The following PLXNB2 variants were observed in gnomAD, a reference collection of about 807,000 sequenced individuals.
PLXNB2 encodes plexin B2, also known as plexin-B2.
In PLXNB2, 85 loss-of-function variants were observed where a neutral mutation model predicts 202.6. That is an observed-to-expected ratio of 0.42 (90% confidence interval 0.35 to 0.50). The LOEUF (loss-of-function observed/expected upper bound fraction) is 0.50, where lower values mean the gene tolerates loss of function less well. PLXNB2 is among the 20% of genes least tolerant of loss of function. PLXNB2 has a pLI of 0.02. For missense variants in PLXNB2, 2,063 were observed against 2,586.2 expected (o/e 0.80, Z 4.39); for synonymous variants, 1,239 against 1,137.6 (o/e 1.09, Z -1.79).
Position 50,289,874 on chromosome 22 carries a change from C to T in PLXNB2, c.711G>A (p.Lys237=). 3 of 1,613,262 alleles carry T rather than the reference C, an allele frequency of 1.9e-6. No individual in the cohort carries two copies. The highest frequency in any genetic ancestry group is 2.5e-6 in the Non-Finnish European group (3 of 1,180,028). ...GCAGCGTGCGGTTCCGGGCCGGGTG[C>T]TTGTCCTGCTGGTTGAAGACAAAGA... ...YVFFVFNQQD[K]HPARNRTLLA... Residue 237 remains lysine (K), a synonymous_variant, in exon 3 of 37, where the codon AAG becomes AAA. Transcript: ENST00000359337. This position sits in a 1 kb window ranked among gnomAD's most constrained non-coding sequence, Gnocchi z 8.0.
At position 50,277,843 on chromosome 22, in the gene PLXNB2, G is replaced by A. The variant is rs1445192133; in HGVS notation, c.5048+10C>T. ...CGGGGCTGGGCCGCGGGGTGGGTGTGGAGCCTCACCTGTTCGTCTTCCAGA... is the reference window on the plus strand; with the variant it reads ...CGGGGCTGGGCCGCGGGGTGGGTGTAGAGCCTCACCTGTTCGTCTTCCAGA... On this transcript the variant is annotated intron_variant, in intron 32 of 36. Coordinates refer to ENST00000359337, the MANE Select transcript of PLXNB2 (RefSeq NM_012401.4). The A allele has an allele frequency of 1.2e-6, 2 of 1,611,826 alleles. No homozygotes were observed. The highest frequency in any genetic ancestry group is 1.7e-6 in the Non-Finnish European group (2 of 1,178,986).
rs745740476 is a variant in PLXNB2, at chr22:50,290,379, G to T, written c.206C>A (p.Thr69Lys). 2 of 1,612,768 alleles carry T rather than the reference G, an allele frequency of 1.2e-6. No individual in the cohort carries two copies. The highest frequency in any genetic ancestry group is 2.7e-5 in the African/African-American group (2 of 74,944). ...CTTCTTGTTGTCCAGGGCCGGGCCC[G>T]TGGCCACCTGCTGCTCCAGCTGCAG... ...AKLQLEQQVA[T>K]GPALDNKKCT... The change falls in exon 3 of 37, where the codon ACG becomes AAG. Residue 69 changes from threonine to lysine, a missense_variant. Coordinates refer to ENST00000359337, the MANE Select transcript of PLXNB2 (RefSeq NM_012401.4).
intron 1 of PLXNB2, among the ~76,000 whole-genome samples, chr22:50,307,247 G>C (rs1166830925): frequency 3.3e-5 from 5 of 152,108 alleles, no homozygotes; most frequent in Non-Finnish European, 7.4e-5. Context: ...CACGGAGCTC[G>C]GCGGCTGAAG....
Position 50,290,501 on chromosome 22 carries a change from G to T in PLXNB2, c.84C>A (p.Phe28Leu), listed in dbSNP as rs748847916. 3.7e-5 allele frequency: 60 copies of T among 1,612,676 alleles called. No homozygotes were observed. Among genetic ancestry groups the T allele is most frequent in the Non-Finnish European group, 4.7e-5 (55 of 1,179,990 alleles). Residue 28 changes from phenylalanine to leucine, a missense_variant, in exon 3 of 37, where the codon TTC becomes TTA. By Grantham distance (22) the Phe-to-Leu change is conservative (BLOSUM62 0). This residue lies in a region of PLXNB2 where 1,303 missense variants were observed against 1,476.8 expected (regional missense o/e 0.88). Coordinates refer to ENST00000359337, the MANE Select transcript of PLXNB2 (RefSeq NM_012401.4). The stretch of plus-strand genomic sequence containing the variant: ...GGTGGTTCAGCTCTTTCTCGCTGCG[G>T]AAGAAGTCCAGCTTGCGGGGCCTCA... ...ASLRPRKLDF[F>L]RSEKELNHLA...
In PLXNB2 at chr22:50,283,329, G is replaced by A. The variant is rs199755433; in HGVS notation, c.2679+8C>T. 4,102 of 1,612,580 alleles carry A rather than the reference G, an allele frequency of 2.5e-3. 10 individuals carry two copies. Among genetic ancestry groups the A allele is most frequent in the Non-Finnish European group, 3.3e-3 (3,939 of 1,179,634 alleles). On this transcript the variant is annotated splice_region_variant and intron_variant, in intron 16 of 36. Coordinates refer to ENST00000359337, the MANE Select transcript of PLXNB2 (RefSeq NM_012401.4). ...GGGTTCGGCAGGTCCCCGAGGCCGG[G>A]TGCTTACTTGGAAGGTGAACTGGAC...
Position 50,284,952 on chromosome 22 carries a change from C to T in PLXNB2, c.2089-287G>A, listed in dbSNP as rs1168748929. ...CCGGCCCACCTGACATCGTGGCCCC[C>T]ACAGCTCCCTCCTCAGGAGGTGGCA... On this transcript the variant is annotated intron_variant, in intron 11 of 36. Transcript: ENST00000359337. The surrounding 1 kb of genome is among the most constrained non-coding windows in gnomAD (Gnocchi z 8.0). 1.8e-6 allele frequency: 1 copy of T among 553,072 alleles called. No individual in the cohort carries two copies. The highest frequency in any genetic ancestry group is 4.2e-5 in the East Asian group (1 of 24,040). 34.3% of individuals were successfully genotyped at this position (553,072 alleles called of 1,614,324 possible). A position where few individuals can be genotyped will look rare whatever the true frequency, so the allele number is the denominator to read the frequency against.
intron 35 of PLXNB2, among the ~76,000 whole-genome samples, 199 bp downstream of exon 35, chr22:50,276,430 T>TGGATGGAGCGACAGGGAGGG (rs1601667928): frequency 2.8e-4 from 1 of 3,520 alleles, no homozygotes; most frequent in Non-Finnish European, 7.0e-4. Context: ...GGGCAGGGCC[T>TGGATGGAGCGACAGGGAGGG]GGCTCCAAGC....
chr22:50,278,540 G>A (rs771605719), intron 29 of PLXNB2, 21 bp from the exon 30 acceptor site: 4 of 1,585,994 alleles, frequency 2.5e-6, no homozygotes, highest in Non-Finnish European at 3.4e-6. Flanking sequence ...CGGCGGTGAG[G>A]GTGGGCTGTG....
rs2065805180 is a variant in PLXNB2, at chr22:50,279,024, C to A, written c.4390-13G>T. 3 of 1,594,074 alleles carry A rather than the reference C, an allele frequency of 1.9e-6. No homozygotes were observed. Among genetic ancestry groups the A allele is most frequent in the East Asian group, 4.5e-5 (2 of 44,638 alleles). On this transcript the variant is annotated splice_polypyrimidine_tract_variant and intron_variant, in intron 27 of 36. Transcript: ENST00000359337. ...TCACGCTCACCGTCTGCCGAGACAT[C>A]CGGGATGAAGCCCAGTGGGAGGCCC...
At position 50,279,323 on chromosome 22, in the gene PLXNB2, C is replaced by T. The variant is rs191729225; in HGVS notation, c.4389+307G>A. Among the ~76,000 whole-genome samples, 191 of 152,356 alleles carry T rather than the reference C, an allele frequency of 1.3e-3. 1 individual carries two copies. Among genetic ancestry groups the T allele is most frequent in the Admixed American group, 6.1e-3 (93 of 15,306 alleles). ...GTCTCACACATGCACAGGCTCCTGC[C>T]ACACCCACTGGTCATGTATGCACAG... On this transcript the variant is annotated intron_variant, in intron 27 of 36. Coordinates refer to ENST00000359337, the MANE Select transcript of PLXNB2 (RefSeq NM_012401.4).
intron 1 of PLXNB2, among the ~76,000 whole-genome samples, chr22:50,296,072 A>C (rs2067238948): frequency 6.6e-6 from 1 of 152,106 alleles, no homozygotes; most frequent in East Asian, 1.9e-4. Context: ...ACTGCACTCC[A>C]GCCTGGGCAA....
At position 50,283,117 on chromosome 22, in the gene PLXNB2, C is replaced by T. The variant is rs1377653283; in HGVS notation, c.2749G>A (p.Gly917Ser). ...QAGGTTLTIH[G>S]THLDTGSQED... ...TGGGAGCCCGTGTCCAGGTGGGTGC[C>T]GTGGATGGTCAGTGTGGTGCCGCCC... The change falls in exon 17 of 37, where the codon GGC (glycine) becomes AGC (serine). Residue 917 changes from glycine to serine, a missense_variant. Gly to Ser is a moderately conservative substitution (Grantham distance 56, BLOSUM62 0). This residue lies in a region of PLXNB2 where 1,303 missense variants were observed against 1,476.8 expected (regional missense o/e 0.88). Transcript: ENST00000359337. 12 of 1,602,356 alleles carry T rather than the reference C, an allele frequency of 7.5e-6. No individual in the cohort carries two copies. Among genetic ancestry groups the T allele is most frequent in the Non-Finnish European group, 1.0e-5 (12 of 1,175,624 alleles).
chr22:50,295,696 T>A (rs1264113617), intron 1 of PLXNB2, among the ~76,000 whole-genome samples: 1 of 152,192 alleles, frequency 6.6e-6, no homozygotes, highest in Non-Finnish European at 1.5e-5. Context: ...TGTGGAAGAC[T>A]ACATGGTAGA....
At chr22:50,295,640 C>CA (rs2067209005) in intron 1 of PLXNB2, among the ~76,000 whole-genome samples, 1 of 152,168 alleles carries the variant, frequency 6.6e-6, no homozygotes. Flanking sequence ...GCATGGTTGG[C>CA]TTTAGTGAAA....
chr22:50,275,896 T>C lies in PLXNB2; in HGVS notation c.5405A>G (p.Tyr1802Cys). ...HQLYQYTQKY[Y>C]DEIINALEED... ...CCGGGGGCCTGACCCTACCTCGTCA[T>C]AGTACTTCTGCGTGTATTGGTAGAG... Residue 1802 changes from tyrosine (Y) to cysteine (C), a missense_variant, in exon 36 of 37, where the codon TAT (tyrosine) becomes TGT (cysteine). Physicochemically the swap from Tyr to Cys is radical, Grantham distance 194. Around this residue, in one of 2 missense-constraint regions of PLXNB2, gnomAD observed 760 missense variants for 1,109.4 expected, o/e 0.69. Coordinates refer to ENST00000359337, the MANE Select transcript of PLXNB2 (RefSeq NM_012401.4). 1 of 1,612,402 alleles carries C rather than the reference T, an allele frequency of 6.2e-7. No individual in the cohort carries two copies. The highest frequency in any genetic ancestry group is 8.5e-7 in the Non-Finnish European group (1 of 1,179,730).
chr22:50,292,934 G>A (rs1006746936), intron 2 of PLXNB2, among the ~76,000 whole-genome samples: 1 of 151,182 alleles, frequency 6.6e-6, no homozygotes, highest in Non-Finnish European at 1.5e-5. Flanking sequence ...CTGCACTGGG[G>A]GTTCAGTGCT....
rs1346124430 is a variant in PLXNB2 at position 50,288,766 on chromosome 22, G to C, written c.1357C>G (p.Leu453Val). 6.2e-7 allele frequency: 1 copy of C among 1,612,916 alleles called. No individual in the cohort carries two copies. Among genetic ancestry groups the C allele is most frequent in the Non-Finnish European group, 8.5e-7 (1 of 1,179,968 alleles). ...ACCTTGTCCTGGGTCATGGCGTACA[G>C]GCTGCCCAGGTCTCCAGACAGTACC... Reference protein sequence around the residue: ...DLVLSGDLGSLYAMTQDKVFR... With the variant: ...DLVLSGDLGSVYAMTQDKVFR... The change falls in exon 5 of 37, where the codon CTG becomes GTG. Residue 453 changes from leucine (L) to valine (V), a missense_variant. Leu to Val is a conservative substitution (Grantham distance 32). Transcript: ENST00000359337. This position sits in a 1 kb window ranked among gnomAD's most constrained non-coding sequence, Gnocchi z 5.0.
At chr22:50,276,430 T>TGTGGGCACGGCCGAG (rs1555917018) in intron 35 of PLXNB2, among the ~76,000 whole-genome samples, 199 bp downstream of exon 35, 1 of 3,518 alleles carries the variant, frequency 2.8e-4, no homozygotes, top group South Asian at 0.01. Flanking sequence ...GGGCAGGGCC[T>TGTGGGCACGGCCGAG]GGCTCCAAGC....
rs2065447524 is a variant in PLXNB2 at position 50,275,064 on chromosome 22, C to G, written c.*640G>C. ...GTGGTCTTGGAACTGCTCCCAGTCCCCCCGGACTGGGTGGGGCTCTAGGGC... is the reference window on the plus strand; with the variant it reads ...GTGGTCTTGGAACTGCTCCCAGTCCGCCCGGACTGGGTGGGGCTCTAGGGC... On this transcript the variant is annotated 3_prime_UTR_variant, in exon 37 of 37. Coordinates refer to ENST00000359337, the MANE Select transcript of PLXNB2 (RefSeq NM_012401.4). 5.1e-6 allele frequency: 1 copy of G among 196,342 alleles called. No homozygotes were observed. The highest frequency in any genetic ancestry group is 2.4e-5 in the African/African-American group (1 of 41,798). The allele number at this position is 196,342 out of a possible 1,614,324, so 12.2% of individuals were successfully genotyped here.
Sources: gnomAD v4.1 joint callset for allele counts (sites outside exome capture counted in the v4.1 genomes callset) on GRCh38, gnomAD v4.1.1 for gene constraint, gnomAD v4.1.1 regional missense constraint, Gnocchi (gnomAD v3.1) non-coding constraint, MANE v1.5 for transcripts, NCBI Gene and HGNC (gene_info 2026-07-23, HGNC 2026-07-21) for gene names.